Variants in ATG7 observed in about 807,000 individuals in gnomAD.
ATG7 encodes the protein autophagy related 7.
ATG7 carries 70 observed loss-of-function variants against 82.4 expected under a neutral mutation model. The ratio of observed to expected loss-of-function variants is 0.85; its 90% CI spans 0.70 to 1.04. ATG7 has a LOEUF of 1.04. ATG7 is among the 50% of genes least tolerant of loss of function. ATG7 has a pLI of 0.00. For synonymous variants in ATG7, 287 were observed against 313.0 expected, an observed-to-expected ratio of 0.92 and a Z score of 0.88; for missense variants, 792 against 864.3, an observed-to-expected ratio of 0.92 and a Z score of 1.05.
At chr3:11,505,899 G>A (rs1425852723) in intron 20 of ATG7, among the ~76,000 whole-genome samples, 6 of 152,182 alleles carry the variant, frequency 3.9e-5, no homozygotes, top group East Asian at 1.9e-4. Flanking sequence ...GGTAACATCT[G>A]GAATTGACCC....
intron 19 of ATG7, among the ~76,000 whole-genome samples, chr3:11,420,529 C>G (rs1021448231): frequency 6.6e-6 from 1 of 151,998 alleles, no homozygotes; most frequent in Admixed American, 6.6e-5. Flanking sequence ...CTTAATTGTT[C>G]TTTTGTCTTA....
chr3:11,330,852 G>A (rs1398942229), intron 9 of ATG7, among the ~76,000 whole-genome samples: 1 of 152,178 alleles, frequency 6.6e-6, no homozygotes, highest in Non-Finnish European at 1.5e-5. Context: ...TGGGAAAGGG[G>A]AGGGAGGAAA....
chr3:11,330,200 A>G (rs1212761688), intron 9 of ATG7, among the ~76,000 whole-genome samples: 1 of 152,170 alleles, frequency 6.6e-6, no homozygotes, highest in Non-Finnish European at 1.5e-5. Flanking sequence ...CTGTAAAAAT[A>G]CTATTTTTTC....
intron 4 of ATG7, 31 bp downstream of exon 4, chr3:11,298,886 T>C: frequency 6.2e-7 from 1 of 1,610,992 alleles, no homozygotes; most frequent in Non-Finnish European, 8.5e-7. Flanking sequence ...TTTTCCATCA[T>C]CTTCTGTTAT....
chr3:11,519,447 T>C (rs2092372518), intron 20 of ATG7, among the ~76,000 whole-genome samples: 1 of 151,984 alleles, frequency 6.6e-6, no homozygotes, highest in Admixed American at 6.6e-5. Context: ...GCTGACTCTT[T>C]CTTTCTCAGT....
chr3:11,359,865 C>T (rs1236782451), intron 15 of ATG7, among the ~76,000 whole-genome samples: 1 of 146,200 alleles, frequency 6.8e-6, no homozygotes, highest in Non-Finnish European at 1.5e-5. Context: ...AAAAACAAAT[C>T]TATGTGAACA....
chr3:11,449,689 C>G (rs1255752643), intron 20 of ATG7, among the ~76,000 whole-genome samples: 1 of 152,180 alleles, frequency 6.6e-6, no homozygotes, highest in Non-Finnish European at 1.5e-5. Flanking sequence ...ATGTGGTTTT[C>G]TAATCCCGTT....
chr3:11,448,554 A>G (rs138653440), intron 20 of ATG7, among the ~76,000 whole-genome samples: 4 of 152,380 alleles, frequency 2.6e-5, no homozygotes, highest in East Asian at 3.9e-4. Context: ...ATCTGTAATC[A>G]GGAACATAAA....
At chr3:11,466,090 C>T (rs1167780739) in intron 20 of ATG7, among the ~76,000 whole-genome samples, 1 of 152,144 alleles carries the variant, frequency 6.6e-6, no homozygotes, top group Non-Finnish European at 1.5e-5. Context: ...GCGGCTTATT[C>T]CTAATGTGGA....
chr3:11,564,675 T>TCCCTCCCTCACCACCG, the ATG7 span: 1 of 1,204,254 alleles, frequency 8.3e-7, no homozygotes, highest in South Asian at 1.4e-5. Flanking sequence ...CCTCACCACC[T>TCCCTCCCTCACCACCG]CCCTCCCTCA....
At chr3:11,570,375 C>A in the ATG7 span, among the ~76,000 whole-genome samples, 1 of 152,286 alleles carries the variant, frequency 6.6e-6, no homozygotes. Context: ...ATGCCGGCCA[C>A]CAAGGTCTGT....
intron 11 of ATG7, among the ~76,000 whole-genome samples, chr3:11,336,595 G>A (rs7625680): frequency 0.52 from 79,631 of 151,974 alleles, 21,876 homozygotes; most frequent in Non-Finnish European, 0.63. Context: ...AAGTATGGTT[G>A]TACTTTTCAA....
At chr3:11,285,563 GT>G (rs2152655802) in intron 3 of ATG7, among the ~76,000 whole-genome samples, 1 of 152,170 alleles carries the variant, frequency 6.6e-6, no homozygotes, top group East Asian at 1.9e-4. Context: ...TATATGCCTT[GT>G]AACCACCACC....
chr3:11,460,911 T>G lies in ATG7; in HGVS notation c.2079+33985T>G, dbSNP rs553685006. On this transcript the variant is annotated intron_variant, in intron 20 of 20. Coordinates refer to ENST00000693202, the MANE Select transcript of ATG7 (RefSeq NM_001349232.2). ...TGTATGGAGCCCAGAGGGTGTGTGTTTTGAGAACCACCTGGTATGACCAAC... is the reference window on the plus strand; with the variant it reads ...TGTATGGAGCCCAGAGGGTGTGTGTGTTGAGAACCACCTGGTATGACCAAC... Among the ~76,000 whole-genome samples the G allele has an allele frequency of 4.9e-4, 74 of 152,264 alleles. 1 individual carries two copies. In the South Asian group the frequency reaches 0.015, roughly 31 times the overall value.
intron 20 of ATG7, among the ~76,000 whole-genome samples, chr3:11,507,054 G>C (rs1257061195): frequency 1.3e-5 from 2 of 152,210 alleles, no homozygotes; most frequent in African/African-American, 4.8e-5. Flanking sequence ...GCTGAGGCAG[G>C]CAGATCACTT....
At chr3:11,400,516 A>G (rs2079733174) in intron 19 of ATG7, among the ~76,000 whole-genome samples, 1 of 152,168 alleles carries the variant, frequency 6.6e-6, no homozygotes, top group Non-Finnish European at 1.5e-5. Flanking sequence ...TAACGTTGCC[A>G]TATTTTCTGA....
intron 20 of ATG7, chr3:11,477,259 G>A: frequency 7.9e-7 from 1 of 1,259,784 alleles, no homozygotes; most frequent in Non-Finnish European, 1.0e-6. Flanking sequence ...TGGCTGCTTT[G>A]TTCCATAAGG....
intron 19 of ATG7, among the ~76,000 whole-genome samples, chr3:11,414,299 C>T (rs2081174394): frequency 2.6e-5 from 4 of 152,164 alleles, no homozygotes; most frequent in Admixed American, 2.6e-4. Flanking sequence ...GTCCTGACTT[C>T]AGGTCATCCA....
intron 19 of ATG7, among the ~76,000 whole-genome samples, chr3:11,418,259 C>T (rs1043962138): frequency 6.8e-6 from 1 of 146,116 alleles, no homozygotes; most frequent in Non-Finnish European, 1.5e-5. Flanking sequence ...CATATGTCAC[C>T]ATACCTGGCT....
Sources: allele counts gnomAD v4.1 joint callset (sites outside exome capture counted in the v4.1 genomes callset), GRCh38; gene constraint gnomAD v4.1.1; transcripts MANE v1.5; gene names NCBI Gene and HGNC (gene_info 2026-07-23, HGNC 2026-07-21).